ACTMAP: variants seen among roughly 807,000 people sequenced by gnomAD.
ACTMAP encodes UPF0692 protein C19orf54.
chr19:40,742,769 C>T, the ACTMAP span: 1 of 1,604,972 alleles, frequency 6.2e-7, no homozygotes, highest in South Asian at 1.1e-5. Flanking sequence ...CCAGCAGGAC[C>T]CCTGGGGGAG....
chr19:40,747,027 A>C, the ACTMAP span, among the ~76,000 whole-genome samples: 2 of 151,344 alleles, frequency 1.3e-5, no homozygotes, highest in African/African-American at 4.9e-5. Flanking sequence ...GGCTAGTCTC[A>C]AACTCCTGGC....
chr19:40,749,800 T>C, the ACTMAP span: 4,459 of 1,452,278 alleles, frequency 3.1e-3, 46 homozygotes, highest in South Asian at 0.021. Context: ...CATGGAGAAG[T>C]CATTTTGGGG....
At chr19:40,743,031 C>T in the ACTMAP span, among the ~76,000 whole-genome samples, 676 of 152,144 alleles carry the variant, frequency 4.4e-3, 6 homozygotes, top group African/African-American at 0.015. Flanking sequence ...AAGCAAATGC[C>T]GTCACCCGGT....
the ACTMAP span, chr19:40,750,011 C>A: frequency 2.2e-6 from 1 of 452,436 alleles, no homozygotes; most frequent in African/African-American, 2.0e-5. Context: ...CATAAGGCAC[C>A]TGACGGTTAA....
the ACTMAP span, among the ~76,000 whole-genome samples, chr19:40,746,084 C>T: frequency 6.3e-3 from 956 of 152,274 alleles, 17 homozygotes; most frequent in African/African-American, 0.022. Context: ...AATGAAAATC[C>T]CTTAACTGAA....
At chr19:40,747,531 T>G in the ACTMAP span, among the ~76,000 whole-genome samples, 1 of 150,816 alleles carries the variant, frequency 6.6e-6, no homozygotes, top group South Asian at 2.1e-4. Flanking sequence ...AGAGCGAAAC[T>G]CCATCTCTAA....
chr19:40,744,507 T>C, the ACTMAP span: 1 of 1,604,000 alleles, frequency 6.2e-7, no homozygotes, highest in South Asian at 1.1e-5. Flanking sequence ...ACCCAGCCTC[T>C]CTGGTCCCAG....
chr19:40,749,605 G>A, the ACTMAP span: 3 of 1,550,804 alleles, frequency 1.9e-6, no homozygotes, highest in Admixed American at 2.0e-5. Flanking sequence ...CGGGGAGCAG[G>A]CCCTGTGGCA....
the ACTMAP span, chr19:40,750,052 T>C: frequency 5.0e-6 from 2 of 402,116 alleles, no homozygotes; most frequent in Non-Finnish European, 8.8e-6. Context: ...CGGAACCGGA[T>C]CTGTGGTACC....
At chr19:40,742,405 A>C in the ACTMAP span, 3 of 1,447,224 alleles carry the variant, frequency 2.1e-6, no homozygotes, top group African/African-American at 4.3e-5. Context: ...TTACCGAGCT[A>C]GGCTGCAGCC....
At chr19:40,744,853 G>T in the ACTMAP span, 5 of 1,096,524 alleles carry the variant, frequency 4.6e-6, no homozygotes, top group African/African-American at 6.4e-5. Flanking sequence ...GAGGGCTGGG[G>T]GTGGAAGGCG....
the ACTMAP span, chr19:40,749,651 A>AG: frequency 6.5e-7 from 1 of 1,548,794 alleles, no homozygotes; most frequent in South Asian, 1.2e-5. Flanking sequence ...GTGGGGGAAC[A>AG]GGGGTCTGCT....
At chr19:40,746,636 A>G in the ACTMAP span, among the ~76,000 whole-genome samples, 1 of 152,102 alleles carries the variant, frequency 6.6e-6, no homozygotes, top group Non-Finnish European at 1.5e-5. Flanking sequence ...CAGCCTACCA[A>G]AGTGCTGGGA....
the ACTMAP span, among the ~76,000 whole-genome samples, chr19:40,747,652 C>T: frequency 6.6e-6 from 1 of 152,078 alleles, no homozygotes. Context: ...CCCAAGAATT[C>T]AAGACCCAGC....
the ACTMAP span, chr19:40,744,854 G>T: frequency 2.7e-6 from 3 of 1,097,998 alleles, no homozygotes; most frequent in South Asian, 1.6e-5. Context: ...AGGGCTGGGG[G>T]TGGAAGGCGG....
At chr19:40,744,335 CG>C in the ACTMAP span, 5 of 1,384,342 alleles carry the variant, frequency 3.6e-6, no homozygotes, top group Non-Finnish European at 4.8e-6. Flanking sequence ...GCACAAAGAG[CG>C]TGAGTGGCTT....
the ACTMAP span, chr19:40,749,524 C>T: frequency 6.4e-7 from 1 of 1,551,010 alleles, no homozygotes; most frequent in Non-Finnish European, 8.7e-7. Context: ...TCTTCTCTGC[C>T]CTTGGGGACC....
At chr19:40,749,849 G>T in the ACTMAP span, 2 of 1,309,180 alleles carry the variant, frequency 1.5e-6, no homozygotes, top group Non-Finnish European at 2.0e-6. Context: ...AGCGGGGAGG[G>T]AAGGATCCTC....
At chr19:40,749,351 G>C in the ACTMAP span, 12 of 922,790 alleles carry the variant, frequency 1.3e-5, no homozygotes, top group Non-Finnish European at 1.8e-5. Context: ...CCATGGAAGA[G>C]ATCTAGGTGG....
Sources: gnomAD v4.1 joint callset for allele counts (sites outside exome capture counted in the v4.1 genomes callset) on GRCh38, gnomAD v4.1.1 for gene constraint, MANE v1.5 for transcripts, NCBI Gene and HGNC (gene_info 2026-07-23, HGNC 2026-07-21) for gene names.